Variants in KCNQ3 observed in about 807,000 individuals in gnomAD.
KCNQ3 encodes potassium voltage-gated channel subfamily KQT member 3.
In KCNQ3, 30 loss-of-function variants were observed where a neutral mutation model predicts 92.5. The ratio of observed to expected loss-of-function variants is 0.32; its 90% CI spans 0.24 to 0.44. KCNQ3 has a LOEUF of 0.44. Among genes scored for constraint, KCNQ3 ranks in the 20% least tolerant of loss-of-function variants. KCNQ3 has a pLI of 1.00. For synonymous variants in KCNQ3, 450 were observed against 468.8 expected, an observed-to-expected ratio of 0.96 and a Z score of 0.52; for missense variants, 913 against 1,140.3, an observed-to-expected ratio of 0.80 and a Z score of 2.87.
At chr8:132,319,951 T>G (rs751394926) in intron 1 of KCNQ3, among the ~76,000 whole-genome samples, 2 of 152,216 alleles carry the variant, frequency 1.3e-5, no homozygotes, top group Non-Finnish European at 1.5e-5. Context: ...ACAGCACCTA[T>G]GGTGGCTAGC....
chr8:132,434,764 T>C (rs761519722), intron 1 of KCNQ3, among the ~76,000 whole-genome samples: 1 of 152,200 alleles, frequency 6.6e-6, no homozygotes, highest in Non-Finnish European at 1.5e-5. Flanking sequence ...ATGTAGTCAG[T>C]ATCAAATGTT....
chr8:132,394,103 C>T (rs1159002120), intron 1 of KCNQ3, among the ~76,000 whole-genome samples: 1 of 152,214 alleles, frequency 6.6e-6, no homozygotes, highest in Non-Finnish European at 1.5e-5. Context: ...CATTAGAAAC[C>T]TGACTCTGAT....
intron 7 of KCNQ3, among the ~76,000 whole-genome samples, chr8:132,171,889 C>T (rs1826374451): frequency 6.6e-6 from 1 of 152,138 alleles, no homozygotes; most frequent in South Asian, 2.1e-4. Context: ...CGTGCCACAA[C>T]TCATGCCTAT....
chr8:132,324,596 C>A (rs1035393416), intron 1 of KCNQ3, among the ~76,000 whole-genome samples: 3 of 152,166 alleles, frequency 2.0e-5, no homozygotes, highest in Non-Finnish European at 4.4e-5. Flanking sequence ...GGCTAATGAC[C>A]AAGCAGAATT....
At chr8:132,456,713 G>A (rs566484920) in intron 1 of KCNQ3, among the ~76,000 whole-genome samples, 5 of 151,880 alleles carry the variant, frequency 3.3e-5, no homozygotes, top group South Asian at 4.2e-4. Context: ...CCAGGTTCAC[G>A]CCATTCTCCT....
At chr8:132,379,915 T>C (rs967040218) in intron 1 of KCNQ3, among the ~76,000 whole-genome samples, 8 of 152,032 alleles carry the variant, frequency 5.3e-5, no homozygotes, top group African/African-American at 1.9e-4. Flanking sequence ...ACATTTATTT[T>C]TTGGCTTAGC....
At chr8:132,280,736 G>A (rs547535035) in intron 1 of KCNQ3, among the ~76,000 whole-genome samples, 5 of 152,330 alleles carry the variant, frequency 3.3e-5, no homozygotes, top group African/African-American at 1.2e-4. Context: ...ATTCCAGGCA[G>A]AGGGAGCAGC....
Position 132,227,123 on chromosome 8 carries a change from C to T in KCNQ3, c.387-40942G>A, listed in dbSNP as rs767081526. 6.8e-5 allele frequency among the ~76,000 whole-genome samples: 10 copies of T among 147,408 alleles called. No homozygotes were observed. The Middle Eastern group carries it at 0.01, about 154-fold the overall frequency. On this transcript the variant is annotated intron_variant, in intron 1 of 14. Coordinates refer to ENST00000388996, the MANE Select transcript of KCNQ3 (RefSeq NM_004519.4). ...GTTGCCAGGCTGGAGTGCTGTGGCG[C>T]GATCTCGGGGCTCACTGCAACCTCT...
At chr8:132,261,736 C>T (rs545931308) in intron 1 of KCNQ3, among the ~76,000 whole-genome samples, 7 of 152,236 alleles carry the variant, frequency 4.6e-5, no homozygotes, top group Non-Finnish European at 5.9e-5. Context: ...CCTTCACCTG[C>T]GCAAACCCTG....
chr8:132,333,802 C>T (rs542036652), intron 1 of KCNQ3, among the ~76,000 whole-genome samples: 15 of 150,490 alleles, frequency 1.0e-4, no homozygotes, highest in Admixed American at 5.3e-4. Context: ...GGTGTGATTT[C>T]GGCTCACTGC....
intron 1 of KCNQ3, among the ~76,000 whole-genome samples, chr8:132,445,322 G>C (rs1326506406): frequency 6.6e-6 from 1 of 152,148 alleles, no homozygotes; most frequent in Non-Finnish European, 1.5e-5. Flanking sequence ...CAAAGGTGAG[G>C]AGGAGGAAAG....
At chr8:132,428,927 T>A (rs1821177990) in intron 1 of KCNQ3, among the ~76,000 whole-genome samples, 1 of 151,984 alleles carries the variant, frequency 6.6e-6, no homozygotes, top group Non-Finnish European at 1.5e-5. Context: ...ATAATAAAGG[T>A]AGTAATAGAA....
Position 132,174,290 on chromosome 8 carries a change from C to G in KCNQ3, c.993G>C (p.Leu331=). ...CAATTAAGGAAAAGGTGGCGGCAATCAGACGGCCTTCCCACGTTTTGGGTG... is the reference window on the plus strand; with the variant it reads ...CAATTAAGGAAAAGGTGGCGGCAATGAGACGGCCTTCCCACGTTTTGGGTG... ...DKTPKTWEGR[L]IAATFSLIGV... is the part of the protein sequence containing the mutation. The change falls in exon 6 of 15, where the codon CTG becomes CTC. Residue 331 remains leucine (L), a synonymous_variant. Coordinates refer to ENST00000388996, the MANE Select transcript of KCNQ3 (RefSeq NM_004519.4). The G allele has an allele frequency of 6.4e-7, 1 of 1,552,248 alleles. No homozygotes were observed. The highest frequency in any genetic ancestry group is 8.7e-7 in the Non-Finnish European group (1 of 1,147,318).
At chr8:132,403,077 T>G (rs1211870917) in intron 1 of KCNQ3, among the ~76,000 whole-genome samples, 1 of 148,252 alleles carries the variant, frequency 6.7e-6, no homozygotes, top group Non-Finnish European at 1.5e-5. Context: ...ACCATACTAA[T>G]GCAGAAAGTT....
chr8:132,190,878 GGCTGCATGTGTGCATTTGCTCTATTA>G (rs1232244356), intron 1 of KCNQ3, among the ~76,000 whole-genome samples: 6 of 152,182 alleles, frequency 3.9e-5, no homozygotes, highest in African/African-American at 1.4e-4. Flanking sequence ...GGGAGGTCTG[GGCTGCATGTGTGCATTTGCTCTATTA>G]GACTCTGCTC....
intron 1 of KCNQ3, among the ~76,000 whole-genome samples, chr8:132,285,672 G>A (rs967772991): frequency 2.0e-5 from 3 of 152,220 alleles, no homozygotes; most frequent in African/African-American, 7.2e-5. Flanking sequence ...CCCAGAGACT[G>A]TTTGCCAAGA....
At chr8:132,318,262 A>G (rs1817796995) in intron 1 of KCNQ3, among the ~76,000 whole-genome samples, 1 of 152,166 alleles carries the variant, frequency 6.6e-6, no homozygotes, top group Admixed American at 6.5e-5. Flanking sequence ...TAATACATAA[A>G]GTAATTAATA....
At position 132,309,764 on chromosome 8, in the gene KCNQ3, A is replaced by C. The variant is rs534539684; in HGVS notation, c.387-123583T>G. On this transcript the variant is annotated intron_variant, in intron 1 of 14. Coordinates refer to ENST00000388996, the MANE Select transcript of KCNQ3 (RefSeq NM_004519.4). ...GACAAATCCCCATCCCTTTAATCAC[A>C]AAATCTTACAAACTGGTCCCCTCTG... 1.1e-3 allele frequency among the ~76,000 whole-genome samples: 165 copies of C among 152,304 alleles called. No individual in the cohort carries two copies. In the Middle Eastern group the frequency reaches 0.017, roughly 16 times the overall value.
At chr8:132,220,475 G>A (rs1814189445) in intron 1 of KCNQ3, among the ~76,000 whole-genome samples, 1 of 152,198 alleles carries the variant, frequency 6.6e-6, no homozygotes, top group Admixed American at 6.5e-5. Flanking sequence ...ATGGCCAGGT[G>A]TGGTAGCTCA....
Sources: gnomAD v4.1 joint callset for allele counts (sites outside exome capture counted in the v4.1 genomes callset) on GRCh38, gnomAD v4.1.1 for gene constraint, MANE v1.5 for transcripts, NCBI Gene and HGNC (gene_info 2026-07-23, HGNC 2026-07-21) for gene names.